MEF2B: variants seen among roughly 807,000 people sequenced by gnomAD.
MEF2B encodes the protein myocyte enhancer factor 2B.
A neutral mutation model predicts 32.2 loss-of-function variants in MEF2B; 15 were observed. That is an observed-to-expected ratio of 0.47 (90% CI 0.31 to 0.72). The LOEUF is 0.72. MEF2B is among the 30% of genes least tolerant of loss of function. MEF2B has a pLI of 0.05. For synonymous variants in MEF2B, 205 were observed against 225.6 expected (o/e 0.91, Z 0.82); for missense variants, 441 against 511.5 (o/e 0.86, Z 1.33).
chr19:19,159,874 C>T (rs990460451), intron 1 of MEF2B, among the ~76,000 whole-genome samples: 4 of 151,764 alleles, frequency 2.6e-5, no homozygotes, highest in South Asian at 2.1e-4. Flanking sequence ...GGCCTCTCTG[C>T]GTGGTAGGAC....
chr19:19,146,459 C>T lies in MEF2B; in HGVS notation c.770-75G>A, dbSNP rs1016550700. ...CTGCAAACCTAACCACCCCCAGTGA[C>T]AGTTTTGAGTTCTGGTGGGTGGGAG... On this transcript the variant is annotated intron_variant, in intron 7 of 8. Transcript: ENST00000424583. 462 of 1,326,064 alleles carry T rather than the reference C, an allele frequency of 3.5e-4. 2 individuals are homozygous for T. Among genetic ancestry groups the T allele is most frequent in the Admixed American group, 4.1e-4 (14 of 33,784 alleles). 82.1% of individuals were successfully genotyped at this position (1,326,064 alleles called of 1,614,324 possible).
chr19:19,152,387 A>AAAAAAGAAAAAG (rs753482273), intron 1 of MEF2B, among the ~76,000 whole-genome samples: 7 of 146,772 alleles, frequency 4.8e-5, no homozygotes, highest in Admixed American at 2.1e-4. Flanking sequence ...TCTCAAAAAA[A>AAAAAAGAAAAAG]AAAAAGAAAA....
At chr19:19,162,560 G>A (rs1330773384) in intron 1 of MEF2B, among the ~76,000 whole-genome samples, 1 of 152,184 alleles carries the variant, frequency 6.6e-6, no homozygotes, top group African/African-American at 2.4e-5. Context: ...GCTGGAGAAG[G>A]CCCCATGGGG....
chr19:19,147,992 T>C (rs2060042066), intron 3 of MEF2B, among the ~76,000 whole-genome samples, 160 bp from the exon 4 acceptor site: 1 of 152,240 alleles, frequency 6.6e-6, no homozygotes, highest in Admixed American at 6.5e-5. Context: ...CAAACCCCGG[T>C]GAGTTACCAG....
At chr19:19,170,169 G>T in intron 1 of MEF2B, 36 bp downstream of exon 1, 1 of 398,650 alleles carries the variant, frequency 2.5e-6, no homozygotes, top group South Asian at 1.3e-4. Flanking sequence ...CCGTTCAGAG[G>T]ACACCACAGG....
At chr19:19,152,854 C>A (rs529142476) in intron 1 of MEF2B, among the ~76,000 whole-genome samples, 1 of 152,170 alleles carries the variant, frequency 6.6e-6, no homozygotes, top group Admixed American at 6.5e-5. Context: ...GCTGTGTGAC[C>A]CCAGGCACAC....
At chr19:19,162,056 C>T (rs1049280134) in intron 1 of MEF2B, among the ~76,000 whole-genome samples, 3 of 152,132 alleles carry the variant, frequency 2.0e-5, no homozygotes, top group African/African-American at 7.2e-5. Context: ...GATCTGCCTA[C>T]TTCGGCCTCC....
chr19:19,145,874 C>A lies in MEF2B; in HGVS notation c.1030G>T (p.Ala344Ser), dbSNP rs963472549. Residue 344 changes from alanine to serine, a missense_variant, in exon 9 of 9, where the codon GCC becomes TCC. By Grantham distance (99) the Ala-to-Ser change is moderately conservative. Coordinates refer to ENST00000424583, the MANE Select transcript of MEF2B (RefSeq NM_001145785.2). This position sits in a 1 kb window ranked among gnomAD's most constrained non-coding sequence, Gnocchi z 4.6. ...CGCAGAGGCTCTGCCAGGGACCGGG[C>A]GAGGAGCAAGGGATAGGGGAAGGTC... ...PKTFPYPLLL[A>S]RSLAEPLRPG... 1 of 1,472,266 alleles carries A rather than the reference C, an allele frequency of 6.8e-7. No homozygotes were observed. The highest frequency in any genetic ancestry group is 1.4e-5 in the African/African-American group (1 of 69,986). The allele number at this position is 1,472,266 out of a possible 1,614,324, so 91.2% of individuals were successfully genotyped here.
At chr19:19,154,961 C>T (rs2060110578) in intron 1 of MEF2B, among the ~76,000 whole-genome samples, 1 of 152,164 alleles carries the variant, frequency 6.6e-6, no homozygotes, top group South Asian at 2.1e-4. Context: ...TGCGTTAGTC[C>T]TCCAGAAGCC....
chr19:19,150,083 CAAAAAAA>C (rs562187293), intron 2 of MEF2B, among the ~76,000 whole-genome samples: 3 of 45,904 alleles, frequency 6.5e-5, no homozygotes, highest in East Asian at 8.4e-4. Context: ...AACTCCATCT[CAAAAAAA>C]AAAAAAAAAA....
intron 1 of MEF2B, among the ~76,000 whole-genome samples, chr19:19,152,556 T>G (rs944482816): frequency 1.3e-5 from 2 of 151,940 alleles, no homozygotes; most frequent in African/African-American, 4.8e-5. Flanking sequence ...ATACAAAAAT[T>G]AGCCAGGCAT....
chr19:19,150,555 A>G (rs2060070719), intron 2 of MEF2B, 127 bp downstream of exon 2: 3 of 1,101,010 alleles, frequency 2.7e-6, no homozygotes, highest in Non-Finnish European at 3.8e-6. Context: ...AAAGGCTGAC[A>G]TGGCATCAGG....
intron 2 of MEF2B, among the ~76,000 whole-genome samples, chr19:19,150,126 TGGAAGGAAGGAG>T (rs2060061361): frequency 2.2e-5 from 1 of 45,368 alleles, no homozygotes; most frequent in Non-Finnish European, 4.1e-5. Context: ...GAAGGAGGGA[TGGAAGGAAGGAG>T]GGAAGGAGGG....
At chr19:19,164,030 G>T (rs971301344) in intron 1 of MEF2B, among the ~76,000 whole-genome samples, 1 of 151,494 alleles carries the variant, frequency 6.6e-6, no homozygotes, top group East Asian at 1.9e-4. Flanking sequence ...GCAGTGGTGC[G>T]ATCTCAGCTC....
At chr19:19,147,256 T>G in intron 4 of MEF2B, 73 bp from the exon 5 acceptor site, 8 of 867,700 alleles carry the variant, frequency 9.2e-6, no homozygotes, top group Non-Finnish European at 1.2e-5. Flanking sequence ...GAGAAAATCC[T>G]GATGAGTTCA....
At chr19:19,154,999 AG>A (rs2060110707) in intron 1 of MEF2B, among the ~76,000 whole-genome samples, 1 of 152,160 alleles carries the variant, frequency 6.6e-6, no homozygotes, top group South Asian at 2.1e-4. Flanking sequence ...CTCTGGAGGC[AG>A]GCCTGACAGG....
At chr19:19,167,712 G>A (rs558016046) in intron 1 of MEF2B, among the ~76,000 whole-genome samples, 1 of 152,294 alleles carries the variant, frequency 6.6e-6, no homozygotes, top group East Asian at 1.9e-4. Flanking sequence ...TCGTTGGGAT[G>A]GGAAAGCCAA....
rs142998355 is a variant in MEF2B, at chr19:19,162,686, G to C, written c.-30+7519C>G. 9.8e-5 allele frequency among the ~76,000 whole-genome samples: 15 copies of C among 152,326 alleles called. No homozygotes were observed. The East Asian group carries it at 2.9e-3, about 29-fold the overall frequency. On this transcript the variant is annotated intron_variant, in intron 1 of 8. Transcript: ENST00000424583. ...CCTGCTCCTGGGAGGGACAGCTCCTGTTCGAGGGGCAGGAGTCCACGGTGA... is the reference window on the plus strand; with the variant it reads ...CCTGCTCCTGGGAGGGACAGCTCCTCTTCGAGGGGCAGGAGTCCACGGTGA...
At chr19:19,149,109 C>G (rs961391573) in intron 3 of MEF2B, 117 bp downstream of exon 3, 2 of 1,325,706 alleles carry the variant, frequency 1.5e-6, no homozygotes, top group African/African-American at 2.9e-5. Context: ...AAATAAAGCA[C>G]GTCAGCCACA....
Sources: allele counts gnomAD v4.1 joint callset (sites outside exome capture counted in the v4.1 genomes callset), GRCh38; gene constraint gnomAD v4.1.1; non-coding constraint Gnocchi (gnomAD v3.1); transcripts MANE v1.5; gene names NCBI Gene and HGNC (gene_info 2026-07-23, HGNC 2026-07-21).